Variants in EIF2AK1 observed in about 807,000 individuals in gnomAD.
EIF2AK1 encodes eukaryotic translation initiation factor 2 alpha kinase 1, also known as eukaryotic translation initiation factor 2-alpha kinase 1.
Under a neutral mutation model 77.9 loss-of-function variants are expected in EIF2AK1, and 54 were observed. The ratio of observed to expected loss-of-function variants is 0.69; its 90% CI spans 0.56 to 0.87. The LOEUF is 0.87. Ranked by LOEUF, EIF2AK1 falls within the 40% of genes least tolerant of loss-of-function variation. The probability of loss-of-function intolerance (pLI) is 0.00; values close to 1 mark genes in which losing one functional copy is unlikely to be tolerated. For synonymous variants in EIF2AK1, 314 were observed against 290.5 expected, an observed-to-expected ratio of 1.08 and a Z score of -0.82; for missense variants, 810 against 768.6, an observed-to-expected ratio of 1.05 and a Z score of -0.64.
chr7:6,049,949 GTAA>G lies in EIF2AK1; in HGVS notation c.371_373del (p.Ile124del). ...CTCTTTAGCAGACCTCATTAAGTGA[GTAA>G]TAGCTCTGTTGTGATGTAGTCTCAA... On this transcript the variant is annotated inframe_deletion, in exon 3 of 15. Transcript: ENST00000199389. 1 of 1,612,974 alleles carries G rather than the reference GTAA, an allele frequency of 6.2e-7. No homozygotes were observed.
rs549432296 is a variant in EIF2AK1, at chr7:6,031,702, C to T, written c.1333-2670G>A. 1.3e-5 allele frequency: 14 copies of T among 1,037,702 alleles called. No individual in the cohort carries two copies. In the African/African-American group the frequency reaches 2.1e-4, roughly 15 times the overall value. The allele number at this position is 1,037,702 out of a possible 1,614,324, so 64.3% of individuals were successfully genotyped here. ...GCTCACGGCCCTTATGAGAATGAGA[C>T]ACGACTCCAGCTCACTCCACACACA... On this transcript the variant is annotated intron_variant, in intron 11 of 14. Transcript: ENST00000199389.
At chr7:6,041,885 A>T (rs1009727073) in intron 8 of EIF2AK1, among the ~76,000 whole-genome samples, 2 of 151,168 alleles carry the variant, frequency 1.3e-5, no homozygotes, top group Non-Finnish European at 2.9e-5. Flanking sequence ...ACAATGGCTC[A>T]TGCCTATAAT....
chr7:6,058,415 CA>C (rs199916803), intron 1 of EIF2AK1, among the ~76,000 whole-genome samples: 1 of 151,010 alleles, frequency 6.6e-6, no homozygotes, highest in Non-Finnish European at 1.5e-5. Flanking sequence ...AGCCTGTCTT[CA>C]AAAAAAAACT....
intron 1 of EIF2AK1, among the ~76,000 whole-genome samples, chr7:6,055,642 CACTT>C (rs577282375): frequency 1.3e-3 from 196 of 147,384 alleles, no homozygotes; most frequent in African/African-American, 4.5e-3. Context: ...GTTAAGTTCT[CACTT>C]ACTGTTTATT....
rs1395082196 is a variant in EIF2AK1 at position 6,035,348 on chromosome 7, A to C, written c.1332+2076T>G. 4.2e-6 allele frequency: 5 copies of C among 1,186,188 alleles called. No homozygotes were observed. In the East Asian group the frequency reaches 1.0e-4, roughly 24 times the overall value. 73.5% of individuals were successfully genotyped at this position (1,186,188 alleles called of 1,614,324 possible). On this transcript the variant is annotated intron_variant, in intron 11 of 14. Transcript: ENST00000199389. The surrounding 1 kb of genome is among the most constrained non-coding windows in gnomAD (Gnocchi z 5.5). ...GTCCTTAAGGTAATTGAAGGGTCTT[A>C]CTTTAAATAAATACTGGCTTCTTAA...
intron 2 of EIF2AK1, among the ~76,000 whole-genome samples, chr7:6,053,708 C>T (rs1249599257): frequency 8.0e-6 from 1 of 124,460 alleles, no homozygotes; most frequent in African/African-American, 3.1e-5. Context: ...GCTCTTGTTG[C>T]CCAGGCTGGA....
rs757926814 is a variant in EIF2AK1 at position 6,023,515 on chromosome 7, C to G, written c.*1158G>C. The G allele has an allele frequency of 4.3e-6, 7 of 1,614,230 alleles. No homozygotes were observed. The highest frequency in any genetic ancestry group is 5.9e-6 in the Non-Finnish European group (7 of 1,180,048). On this transcript the variant is annotated 3_prime_UTR_variant, in exon 15 of 15. Transcript: ENST00000199389. ...TGTTTTCCGCTCCATGAACTCTGCT[C>G]TTGGGAAGAGCCCTTGGCTCGCTGG... is the stretch of plus-strand genomic sequence containing the variant.
At chr7:6,039,450 T>A (rs1788227541) in intron 9 of EIF2AK1, among the ~76,000 whole-genome samples, 1 of 151,056 alleles carries the variant, frequency 6.6e-6, no homozygotes. Flanking sequence ...TGAAACCTCG[T>A]CTCTACTAAA....
rs1788885418 is a variant in EIF2AK1 at position 6,059,151 on chromosome 7, A to G, written c.-68T>C. 9.1e-7 allele frequency: 1 copy of G among 1,104,794 alleles called. No individual in the cohort carries two copies. Among genetic ancestry groups the G allele is most frequent in the East Asian group, 3.3e-5 (1 of 30,674 alleles). 68.4% of individuals were successfully genotyped at this position (1,104,794 alleles called of 1,614,324 possible). On this transcript the variant is annotated 5_prime_UTR_variant, in exon 1 of 15. Coordinates refer to ENST00000199389, the MANE Select transcript of EIF2AK1 (RefSeq NM_014413.4). ...CAGCACTGCCACACTCCGATGCTGC[A>G]GCTAGCGCCGTCCGACCCGGAAGTA... is the stretch of plus-strand genomic sequence containing the variant.
chr7:6,050,197 G>T (rs1788567160), intron 2 of EIF2AK1, 152 bp from the exon 3 acceptor site: 1 of 688,046 alleles, frequency 1.5e-6, no homozygotes, highest in East Asian at 2.9e-5. Context: ...TAAACTTGGA[G>T]AATGTTCTCT....
At position 6,024,378 on chromosome 7, in the gene EIF2AK1, C is replaced by A. The variant is rs374394642; in HGVS notation, c.*295G>T. ...GGAGCACACATCAATTTCTGCGGTA[C>A]CTTCTAGAGGAAGACCAGACAGAGG... On this transcript the variant is annotated 3_prime_UTR_variant, in exon 15 of 15. Transcript: ENST00000199389. 4.0e-6 allele frequency: 4 copies of A among 998,596 alleles called. No individual in the cohort carries two copies. Among genetic ancestry groups the A allele is most frequent in the Non-Finnish European group, 5.0e-6 (4 of 801,384 alleles). The allele number at this position is 998,596 out of a possible 1,614,324, so 61.9% of individuals were successfully genotyped here.
rs1250392132 is a variant in EIF2AK1 at position 6,025,918 on chromosome 7, C to CATG, written c.1764+807_1764+809dup. On this transcript the variant is annotated intron_variant, in intron 14 of 14. Coordinates refer to ENST00000199389, the MANE Select transcript of EIF2AK1 (RefSeq NM_014413.4). ...AAAATCCCATGCCTGGGATTACAGG[C>CATG]ATGAGCCACCCCGCCTGGCCAGGAT... Among the ~76,000 whole-genome samples the CATG allele has an allele frequency of 2.0e-5, 3 of 152,244 alleles. No individual in the cohort carries two copies. The South Asian group carries it at 6.2e-4, about 32-fold the overall frequency.
At chr7:6,031,675 AAGCTCACGGCCCTT>A in intron 11 of EIF2AK1, 1 of 1,354,936 alleles carries the variant, frequency 7.4e-7, no homozygotes, top group East Asian at 2.5e-5. Context: ...TGAACCCACT[AAGCTCACGGCCCTT>A]ATGAGAATGA....
intron 4 of EIF2AK1, chr7:6,047,769 C>A (rs61227749): frequency 0.064 from 9,886 of 154,152 alleles, 609 homozygotes; most frequent in East Asian, 0.35. Flanking sequence ...AGTGGCTATT[C>A]ACAGGTGTGA....
At chr7:6,040,020 G>A (rs1352680230) in intron 9 of EIF2AK1, among the ~76,000 whole-genome samples, 1 of 152,146 alleles carries the variant, frequency 6.6e-6, no homozygotes, top group Non-Finnish European at 1.5e-5. Context: ...GGTATATACA[G>A]TTTTATAATC....
At position 6,043,521 on chromosome 7, in the gene EIF2AK1, C is replaced by T. The variant is rs545849386; in HGVS notation, c.731-528G>A. On this transcript the variant is annotated intron_variant, in intron 7 of 14. Coordinates refer to ENST00000199389, the MANE Select transcript of EIF2AK1 (RefSeq NM_014413.4). ...TTGGCTCACTGCAACCTCCACCTCC[C>T]GGGTTCAAGTGATTCTGCTGCCTCA... is the stretch of plus-strand genomic sequence containing the variant. Among the ~76,000 whole-genome samples, 316 of 152,152 alleles carry T rather than the reference C, an allele frequency of 2.1e-3. 4 individuals carry two copies. Among genetic ancestry groups the T allele is most frequent in the African/African-American group, 7.2e-3 (301 of 41,532 alleles).
intron 11 of EIF2AK1, chr7:6,031,225 C>T (rs10255418): frequency 0.23 from 169,427 of 737,372 alleles, 23,057 homozygotes; most frequent in East Asian, 0.47. Flanking sequence ...AGTCTGGACG[C>T]TTGGTTCCAA....
chr7:6,023,778 C>CA lies in EIF2AK1; in HGVS notation c.*894dup, dbSNP rs749187455. The CA allele has an allele frequency of 6.2e-7, 1 of 1,603,010 alleles. No individual in the cohort carries two copies. Among genetic ancestry groups the CA allele is most frequent in the Admixed American group, 1.7e-5 (1 of 58,074 alleles). On this transcript the variant is annotated 3_prime_UTR_variant, in exon 15 of 15. Transcript: ENST00000199389. ...TCAGTAAGGGGACTTGTATTAGAGTCAGAGTCTTTTTATTTAGGCCAGTTG... is the reference window on the plus strand; with the variant it reads ...TCAGTAAGGGGACTTGTATTAGAGTCAAGAGTCTTTTTATTTAGGCCAGTTG...
At chr7:6,055,666 A>G (rs1286345569) in intron 1 of EIF2AK1, among the ~76,000 whole-genome samples, 1 of 141,726 alleles carries the variant, frequency 7.1e-6, no homozygotes, top group African/African-American at 2.6e-5. Flanking sequence ...TTAAGACATG[A>G]CTAAACAGGT....
Sources: gnomAD v4.1 joint callset for allele counts (sites outside exome capture counted in the v4.1 genomes callset) on GRCh38, gnomAD v4.1.1 for gene constraint, Gnocchi (gnomAD v3.1) non-coding constraint, MANE v1.5 for transcripts, NCBI Gene and HGNC (gene_info 2026-07-23, HGNC 2026-07-21) for gene names.